USP32: variants seen among roughly 807,000 people sequenced by gnomAD.
USP32 encodes ubiquitin specific peptidase 32.
A neutral mutation model predicts 204.8 loss-of-function variants in USP32; 59 were observed. That is an observed-to-expected ratio of 0.29 (90% CI 0.23 to 0.36). The LOEUF (loss-of-function observed/expected upper bound fraction) is 0.36, where lower values mean the gene tolerates loss of function less well. Among genes scored for constraint, USP32 ranks in the 10% least tolerant of loss-of-function variants. USP32 has a pLI of 1.00. For missense variants in USP32, 1,160 were observed against 1,946.4 expected, an observed-to-expected ratio of 0.60 and a Z score of 7.60; for synonymous variants, 517 against 678.4, an observed-to-expected ratio of 0.76 and a Z score of 3.70.
intron 27 of USP32, among the ~76,000 whole-genome samples, chr17:60,193,201 A>G (rs901388403): frequency 2.0e-5 from 3 of 152,246 alleles, no homozygotes; most frequent in Non-Finnish European, 4.4e-5. Context: ...TGAAAATTTT[A>G]TAAGATAAGC....
intron 12 of USP32, among the ~76,000 whole-genome samples, 161 bp downstream of exon 12, chr17:60,235,977 A>G (rs1199728773): frequency 1.3e-5 from 2 of 152,238 alleles, no homozygotes; most frequent in South Asian, 2.1e-4. Flanking sequence ...CCTAGACCAT[A>G]GCAAGTATCA....
intron 2 of USP32, among the ~76,000 whole-genome samples, chr17:60,333,748 G>C (rs1040927146): frequency 2.3e-4 from 35 of 152,146 alleles, no homozygotes; most frequent in African/African-American, 8.2e-4. Context: ...GGAAAGGAAA[G>C]AAAATCGTAA....
At chr17:60,338,290 A>G (rs1024305452) in intron 2 of USP32, among the ~76,000 whole-genome samples, 4 of 151,096 alleles carry the variant, frequency 2.6e-5, no homozygotes, top group African/African-American at 7.3e-5. Context: ...GCGCCACTGC[A>G]CTCCAGCCTG....
At chr17:60,321,723 C>T (rs2088116685) in intron 2 of USP32, among the ~76,000 whole-genome samples, 1 of 152,092 alleles carries the variant, frequency 6.6e-6, no homozygotes, top group South Asian at 2.1e-4. Flanking sequence ...AATACAGTAA[C>T]AACAACAAAA....
At chr17:60,321,642 G>T (rs2088114251) in intron 2 of USP32, among the ~76,000 whole-genome samples, 1 of 152,118 alleles carries the variant, frequency 6.6e-6, no homozygotes, top group Non-Finnish European at 1.5e-5. Flanking sequence ...TTCTTGAAAT[G>T]AATGGAAACA....
At chr17:60,336,708 TC>T (rs2088529713) in intron 2 of USP32, among the ~76,000 whole-genome samples, 1 of 123,174 alleles carries the variant, frequency 8.1e-6, no homozygotes, top group Non-Finnish European at 1.6e-5. Flanking sequence ...AGAGCGAGAC[TC>T]CATCTCAAAA....
rs761083826 is a variant in USP32 at position 60,222,512 on chromosome 17, C to A, written c.1646G>T (p.Arg549Leu). 2 of 1,613,850 alleles carry A rather than the reference C, an allele frequency of 1.2e-6. No individual in the cohort carries two copies. The highest frequency in any genetic ancestry group is 2.2e-5 in the South Asian group (2 of 91,064). ...TCTTCCATGAATCAGCTGTGGAGTT[C>A]GTTTTAATCGTCCTCCTTCTAGTGT... The part of the protein sequence containing the change: ...SLTLEGGRLK[R>L]TPQLIHGRDY... The change falls in exon 15 of 34, where the codon CGA becomes CTA. Residue 549 changes from arginine (R) to leucine (L), a missense_variant. Physicochemically the swap from Arg to Leu is moderately radical, Grantham distance 102. Coordinates refer to ENST00000300896, the MANE Select transcript of USP32 (RefSeq NM_032582.4).
chr17:60,200,664 C>T (rs570424490), intron 26 of USP32, among the ~76,000 whole-genome samples: 2 of 152,328 alleles, frequency 1.3e-5, no homozygotes, highest in African/African-American at 4.8e-5. Context: ...CAAAAGCCTC[C>T]CATTTGCTTC....
chr17:60,291,043 A>T (rs1274252893), intron 4 of USP32, among the ~76,000 whole-genome samples: 1 of 152,226 alleles, frequency 6.6e-6, no homozygotes, highest in Non-Finnish European at 1.5e-5. Flanking sequence ...CACTCTCTAC[A>T]GAAGACACTA....
In USP32 at chr17:60,236,118, TAGAC is replaced by T. The variant is rs1567791339; in HGVS notation, c.1239+16_1239+19del. On this transcript the variant is annotated intron_variant, in intron 12 of 33. Coordinates refer to ENST00000300896, the MANE Select transcript of USP32 (RefSeq NM_032582.4). ...CTGAAAATCCTGTGAAAAATGTAAA[TAGAC>T]AGGAATCTAACTCACGTATTTGACA... 2 of 1,600,606 alleles carry T rather than the reference TAGAC, an allele frequency of 1.2e-6. No individual in the cohort carries two copies. Among genetic ancestry groups the T allele is most frequent in the Admixed American group, 3.3e-5 (2 of 59,864 alleles).
intron 1 of USP32, among the ~76,000 whole-genome samples, chr17:60,370,329 C>CT (rs1356702883): frequency 6.6e-6 from 1 of 152,028 alleles, no homozygotes; most frequent in Non-Finnish European, 1.5e-5. Context: ...AAAGGTTCTA[C>CT]TTTGACACCA....
chr17:60,280,160 G>A (rs1466089131), intron 5 of USP32, among the ~76,000 whole-genome samples: 2 of 151,914 alleles, frequency 1.3e-5, no homozygotes, highest in East Asian at 1.9e-4. Flanking sequence ...GCAATGGCAC[G>A]GTCTTGGCTC....
Position 60,391,875 on chromosome 17 carries a change from C to G in USP32, c.58+7G>C, listed in dbSNP as rs1567893334. On this transcript the variant is annotated splice_region_variant and intron_variant, in intron 1 of 33. Transcript: ENST00000300896. The stretch of plus-strand genomic sequence containing the variant: ...CAGGCAGCTCGCCCAGACCCCTCCC[C>G]CCTCACCTCTCCTCAGCGCCTCCTC... 11 of 1,610,196 alleles carry G rather than the reference C, an allele frequency of 6.8e-6. No homozygotes were observed. The highest frequency in any genetic ancestry group is 2.7e-5 in the African/African-American group (2 of 74,708).
chr17:60,217,420 G>C (rs1406525921), intron 16 of USP32, among the ~76,000 whole-genome samples: 1 of 151,966 alleles, frequency 6.6e-6, no homozygotes, highest in Non-Finnish European at 1.5e-5. Context: ...TCACCCTCCC[G>C]AGTAGCTGGG....
At chr17:60,237,112 CTCTATCTATCTATCTATCTATCTATCTA>C (rs35524070) in intron 11 of USP32, among the ~76,000 whole-genome samples, 14 of 138,224 alleles carry the variant, frequency 1.0e-4, no homozygotes, top group African/African-American at 3.0e-4. Context: ...AAAAAATCTA[CTCTATCTATCTATCTATCTATCTATCTA>C]TCTATCTATC....
intron 32 of USP32, 131 bp from the exon 33 acceptor site, chr17:60,180,768 TCTAA>T (rs2145350309): frequency 1.1e-6 from 1 of 909,868 alleles, no homozygotes. Flanking sequence ...TTTAGAACCC[TCTAA>T]CTTTTTCTAA....
At chr17:60,188,117 A>G (rs1234464261) in intron 29 of USP32, among the ~76,000 whole-genome samples, 1 of 152,114 alleles carries the variant, frequency 6.6e-6, no homozygotes, top group Non-Finnish European at 1.5e-5. Flanking sequence ...AGTAGCTGGG[A>G]CTACAGGTGC....
Position 60,389,125 on chromosome 17 carries a change from T to C in USP32, c.58+2757A>G, listed in dbSNP as rs568790961. 3.3e-5 allele frequency among the ~76,000 whole-genome samples: 5 copies of C among 152,346 alleles called. 1 individual carries two copies. In the South Asian group the frequency reaches 1.0e-3, roughly 32 times the overall value. On this transcript the variant is annotated intron_variant, in intron 1 of 33. Transcript: ENST00000300896. Reference sequence around the variant, plus strand: ...TAATGTGTGTTTGTCAAATCCTATCTACCCTTTCCCCCATTCATTTTATAC... The same window carrying C: ...TAATGTGTGTTTGTCAAATCCTATCCACCCTTTCCCCCATTCATTTTATAC...
chr17:60,323,943 T>C (rs1040349899), intron 2 of USP32, among the ~76,000 whole-genome samples: 3 of 152,186 alleles, frequency 2.0e-5, no homozygotes, highest in Admixed American at 6.5e-5. Context: ...ATGCATAAAA[T>C]AGCTTAAGCA....
Sources: allele counts gnomAD v4.1 joint callset (sites outside exome capture counted in the v4.1 genomes callset), GRCh38; gene constraint gnomAD v4.1.1; transcripts MANE v1.5; gene names NCBI Gene and HGNC (gene_info 2026-07-23, HGNC 2026-07-21).